The following C2orf78 variants were observed in gnomAD, a reference collection of about 807,000 sequenced individuals.
The protein encoded by C2orf78 is uncharacterized protein C2orf78.
Under a neutral mutation model 21.4 loss-of-function variants are expected in C2orf78, and 12 were observed. The observed-to-expected ratio is 0.56, with a 90% CI of 0.36 to 0.91. The LOEUF (loss-of-function observed/expected upper bound fraction) is 0.91, where lower values mean the gene tolerates loss of function less well. C2orf78 is among the 40% of genes least tolerant of loss of function. The probability of loss-of-function intolerance (pLI) is 0.01; values close to 1 mark genes in which losing one functional copy is unlikely to be tolerated. For missense variants in C2orf78, 1,042 were observed against 1,092.4 expected (o/e 0.95, Z 0.65); for synonymous variants, 396 against 413.9 (o/e 0.96, Z 0.52).
intron 1 of C2orf78, among the ~76,000 whole-genome samples, chr2:73,811,922 T>C (rs1350492667): frequency 6.6e-6 from 1 of 152,198 alleles, no homozygotes. Flanking sequence ...AGCATAATAA[T>C]TCCTTTACAC....
chr2:73,815,653 C>A (rs957165605), exon 3 of C2orf78: 11 of 1,613,950 alleles, frequency 6.8e-6, no homozygotes, highest in East Asian at 2.2e-5. Context: ...GCCAAAGATA[C>A]CAGTGCCATC....
At chr2:73,808,407 T>C (rs570173444) in intron 1 of C2orf78, among the ~76,000 whole-genome samples, 4 of 151,224 alleles carry the variant, frequency 2.6e-5, no homozygotes, top group African/African-American at 4.9e-5. Context: ...AAATGCATAG[T>C]ATTATATAAT....
exon 3 of C2orf78, chr2:73,815,259 T>C (rs749956283): frequency 6.2e-7 from 1 of 1,613,910 alleles, no homozygotes; most frequent in South Asian, 1.1e-5. Context: ...TACTAATCTC[T>C]TGACACTGTC....
At chr2:73,810,665 A>T (rs1394690203) in intron 1 of C2orf78, among the ~76,000 whole-genome samples, 1 of 131,158 alleles carries the variant, frequency 7.6e-6, no homozygotes, top group Non-Finnish European at 1.5e-5. Flanking sequence ...TCTATAATAT[A>T]TATAATATAA....
chr2:73,816,888 GA>G lies in C2orf78; in HGVS notation c.2666del (p.Glu889GlyfsTer37). 1 of 1,613,890 alleles carries G rather than the reference GA, an allele frequency of 6.2e-7. No homozygotes were observed. Among genetic ancestry groups the G allele is most frequent in the African/African-American group, 1.3e-5 (1 of 75,044 alleles). On this transcript the variant is annotated frameshift_variant, in exon 3 of 3. Coordinates refer to ENST00000409561, the Ensembl canonical transcript of C2orf78. LOFTEE classifies it low-confidence loss of function (END_TRUNC). ...GGCCATGAAGAGAAAGGCTCAACAA[GA>G]GCGTGAGAATGCTGCCAAATACACC...
At position 73,816,031 on chromosome 2, in the gene C2orf78, C is replaced by G. The variant is rs776847954; in HGVS notation, c.1808C>G (p.Pro603Arg). ...AAGGTAGAAGAGAAGCAAACCATTC[C>G]CAATATGAAACGGAAGAAAAATCAA... The change falls in exon 3 of 3, where the codon CCC becomes CGC. Residue 603 changes from proline to arginine, a missense_variant. Coordinates refer to ENST00000409561, the Ensembl canonical transcript of C2orf78. 3.7e-6 allele frequency: 6 copies of G among 1,613,868 alleles called. No homozygotes were observed. The South Asian group carries it at 6.6e-5, about 18-fold the overall frequency.
intron 1 of C2orf78, among the ~76,000 whole-genome samples, chr2:73,808,151 G>A (rs1319172854): frequency 6.6e-6 from 1 of 151,014 alleles, no homozygotes; most frequent in Non-Finnish European, 1.5e-5. Flanking sequence ...CTACTAAGGA[G>A]TCTGAGGCAG....
intron 1 of C2orf78, among the ~76,000 whole-genome samples, chr2:73,807,673 A>G (rs1573196181): frequency 1.0e-5 from 1 of 95,610 alleles, no homozygotes; most frequent in East Asian, 2.7e-4. Context: ...CAGGACACTG[A>G]AAAGAAGACT....
At position 73,808,282 on chromosome 2, in the gene C2orf78, G is replaced by A. The variant is rs920208637; in HGVS notation, c.98-5195G>A. Among the ~76,000 whole-genome samples, 34 of 151,030 alleles carry A rather than the reference G, an allele frequency of 2.3e-4. 1 individual carries two copies. Among genetic ancestry groups the A allele is most frequent in the African/African-American group, 7.2e-4 (29 of 40,490 alleles). ...AAAAATTCAATAAAATAAAAAAGCA[G>A]CAGTAAATTCATTAATCAGATTCAC... On this transcript the variant is annotated intron_variant, in intron 1 of 2. Coordinates refer to ENST00000409561, the Ensembl canonical transcript of C2orf78.
intron 1 of C2orf78, chr2:73,808,721 T>G (rs1180772291): frequency 6.6e-7 from 1 of 1,514,264 alleles, no homozygotes; most frequent in Non-Finnish European, 8.8e-7. Flanking sequence ...ATCTTGGGGT[T>G]TCCTGGGCGT....
intron 1 of C2orf78, chr2:73,808,839 C>T (rs1487032001): frequency 1.5e-5 from 21 of 1,356,550 alleles, no homozygotes; most frequent in Non-Finnish European, 1.9e-5. Context: ...CAGACATCCG[C>T]TAGTATCGTC....
chr2:73,786,176 T>C (rs1672928988), intron 1 of C2orf78, among the ~76,000 whole-genome samples: 1 of 151,954 alleles, frequency 6.6e-6, no homozygotes, highest in Non-Finnish European at 1.5e-5. Context: ...GGTCAGAAGT[T>C]GGAGACCAGC....
rs866137002 is a variant in C2orf78, at chr2:73,815,778, C to T, written c.1555C>T (p.Gln519Ter). 1 of 1,613,746 alleles carries T rather than the reference C, an allele frequency of 6.2e-7. No homozygotes were observed. The highest frequency in any genetic ancestry group is 8.5e-7 in the Non-Finnish European group (1 of 1,179,768). ...CCAGGGTGCTCCCAAGGCCAAAATC[C>T]AGCCAAAGAACCCAGAGTGCCTATT... Residue 519 changes from glutamine to a stop codon, truncating the protein, a stop_gained, in exon 3 of 3, where the codon CAG becomes TAG. Coordinates refer to ENST00000409561, the Ensembl canonical transcript of C2orf78. LOFTEE classifies it low-confidence loss of function (END_TRUNC).
At position 73,815,771 on chromosome 2, in the gene C2orf78, CA is replaced by C. The variant is rs754160845; in HGVS notation, c.1552del (p.Ile518SerfsTer10). On this transcript the variant is annotated frameshift_variant, in exon 3 of 3. Coordinates refer to ENST00000409561, the Ensembl canonical transcript of C2orf78. LOFTEE classifies it low-confidence loss of function (END_TRUNC). ...AGCCTATCCAGGGTGCTCCCAAGGC[CA>C]AAATCCAGCCAAAGAACCCAGAGTG... 6.2e-6 allele frequency: 10 copies of C among 1,613,654 alleles called. No individual in the cohort carries two copies. Among genetic ancestry groups the C allele is most frequent in the Non-Finnish European group, 7.6e-6 (9 of 1,179,746 alleles).
chr2:73,816,485 T>G (rs1673202250), exon 3 of C2orf78: 1 of 1,613,976 alleles, frequency 6.2e-7, no homozygotes, highest in African/African-American at 1.3e-5. Flanking sequence ...CTGCTCGACC[T>G]GATTCTACTA....
chr2:73,816,662 A>G, exon 3 of C2orf78: 1 of 1,613,974 alleles, frequency 6.2e-7, no homozygotes, highest in Non-Finnish European at 8.5e-7. Flanking sequence ...CTAGGCCATC[A>G]GCCTACAAAA....
chr2:73,813,454 C>T (rs1233431205), intron 1 of C2orf78, 23 bp from the exon 2 acceptor site: 3 of 1,539,640 alleles, frequency 1.9e-6, no homozygotes, highest in South Asian at 1.3e-5. Context: ...TCGGTTTTTT[C>T]ATCTCTCTCT....
intron 1 of C2orf78, among the ~76,000 whole-genome samples, chr2:73,786,211 T>A (rs1368630801): frequency 6.6e-6 from 1 of 151,608 alleles, no homozygotes. Context: ...GAAACCCCAT[T>A]TCTCCTGAAA....
At chr2:73,809,840 A>T (rs186914248) in intron 1 of C2orf78, among the ~76,000 whole-genome samples, 89 of 152,270 alleles carry the variant, frequency 5.8e-4, no homozygotes, top group Admixed American at 3.0e-3. Flanking sequence ...TCCTATCTAA[A>T]CTAGGTGGAA....
Sources: allele counts gnomAD v4.1 joint callset (sites outside exome capture counted in the v4.1 genomes callset), GRCh38; gene constraint gnomAD v4.1.1; transcripts MANE v1.5; gene names NCBI Gene and HGNC (gene_info 2026-07-23, HGNC 2026-07-21).